Variants in PLD5 observed in about 807,000 individuals in gnomAD.
PLD5 encodes inactive phospholipase D5.
Under a neutral mutation model 61.1 loss-of-function variants are expected in PLD5, and 36 were observed. That is an observed-to-expected ratio of 0.59 (90% confidence interval 0.45 to 0.78). PLD5 has a LOEUF of 0.78. PLD5 is among the 30% of genes least tolerant of loss of function. PLD5 has a pLI of 0.00. For synonymous variants in PLD5, 243 were observed against 242.8 expected, an observed-to-expected ratio of 1.00 and a Z score of -0.01; for missense variants, 515 against 644.4, an observed-to-expected ratio of 0.80 and a Z score of 2.17.
intron 1 of PLD5, among the ~76,000 whole-genome samples, chr1:242,451,344 T>G (rs1006152827): frequency 6.6e-6 from 1 of 152,152 alleles, no homozygotes; most frequent in African/African-American, 2.4e-5. Flanking sequence ...GCATTTAACA[T>G]TGAATCATAC....
At chr1:242,215,032 G>A (rs7555640) in intron 5 of PLD5, among the ~76,000 whole-genome samples, 41,512 of 145,476 alleles carry the variant, frequency 0.29, 6,295 homozygotes, top group South Asian at 0.43. Context: ...GCCTGCCACC[G>A]TGCCTGGCCA....
chr1:242,090,103 A>T lies in PLD5; in HGVS notation c.1362T>A (p.Phe454Leu). Reference sequence around the variant, plus strand: ...GAGTGAAATCATTCCCTACCCAATCAAAATTTCCTGCAAACAAACAAAGAA... The same window carrying T: ...GAGTGAAATCATTCCCTACCCAATCTAAATTTCCTGCAAACAAACAAAGAA... ...VTDGAAYIGN[F>L]DWVGNDFTQN... The change falls in exon 10 of 10, where the codon TTT becomes TTA. Residue 454 changes from phenylalanine to leucine, a missense_variant. Around this residue, in one of 2 missense-constraint regions of PLD5, gnomAD observed 450 missense variants for 598.1 expected, o/e 0.75. Coordinates refer to ENST00000536534, the MANE Select transcript of PLD5 (RefSeq NM_001372062.1). 1.2e-6 allele frequency: 2 copies of T among 1,613,712 alleles called. No individual in the cohort carries two copies. Among genetic ancestry groups the T allele is most frequent in the Non-Finnish European group, 1.7e-6 (2 of 1,179,658 alleles).
intron 4 of PLD5, among the ~76,000 whole-genome samples, chr1:242,244,491 AAC>A (rs1218565924): frequency 1.5e-4 from 23 of 152,224 alleles, no homozygotes; most frequent in Admixed American, 1.1e-3. Context: ...AGCTGAGAAA[AAC>A]AGATTCACAT....
At chr1:242,303,468 T>G (rs916310069) in intron 2 of PLD5, among the ~76,000 whole-genome samples, 2 of 152,256 alleles carry the variant, frequency 1.3e-5, no homozygotes, top group Non-Finnish European at 2.9e-5. Context: ...ATTTCTAAAA[T>G]GTATAAATGC....
chr1:242,464,891 C>A (rs953459104), intron 1 of PLD5, among the ~76,000 whole-genome samples: 1 of 152,122 alleles, frequency 6.6e-6, no homozygotes, highest in Non-Finnish European at 1.5e-5. Context: ...TGACAGAAGC[C>A]AGACACGAAA....
intron 1 of PLD5, among the ~76,000 whole-genome samples, chr1:242,364,663 C>T (rs1661244332): frequency 6.6e-6 from 1 of 152,038 alleles, no homozygotes; most frequent in South Asian, 2.1e-4. Flanking sequence ...TTGCAGTGAG[C>T]CAAGATCTTG....
At chr1:242,348,009 C>G in intron 2 of PLD5, 97 bp downstream of exon 2, 1 of 1,471,212 alleles carries the variant, frequency 6.8e-7, no homozygotes, top group Non-Finnish European at 9.2e-7. Context: ...GCCTGGATGA[C>G]TACGTGTGTT....
At chr1:242,412,267 GCCAT>G (rs1416585771) in intron 1 of PLD5, among the ~76,000 whole-genome samples, 1 of 152,238 alleles carries the variant, frequency 6.6e-6, no homozygotes, top group Non-Finnish European at 1.5e-5. Context: ...TCCCATCATG[GCCAT>G]GAACTCAGCT....
chr1:242,424,152 C>A lies in PLD5; in HGVS notation c.190-75910G>T, dbSNP rs140703100. Among the ~76,000 whole-genome samples, 57 of 152,220 alleles carry A rather than the reference C, an allele frequency of 3.7e-4. 1 individual carries two copies. Among genetic ancestry groups the A allele is most frequent in the Middle Eastern group, 3.4e-3 (1 of 294 alleles). ...TGTAATCCCTTCTCTACAGCTAATG[C>A]CTTCCCTTACTCCCTCTTATTGTCC... On this transcript the variant is annotated intron_variant, in intron 1 of 9. Coordinates refer to ENST00000536534, the MANE Select transcript of PLD5 (RefSeq NM_001372062.1).
intron 1 of PLD5, among the ~76,000 whole-genome samples, chr1:242,383,662 T>C (rs1337063445): frequency 2.0e-5 from 3 of 152,172 alleles, no homozygotes; most frequent in Non-Finnish European, 4.4e-5. Context: ...CCCTTAGTCC[T>C]AGCATTTTGG....
rs766307473 is a variant in PLD5 at position 242,333,965 on chromosome 1, T to C, written c.326+14141A>G. Among the ~76,000 whole-genome samples, 4 of 152,200 alleles carry C rather than the reference T, an allele frequency of 2.6e-5. 1 individual carries two copies. The highest frequency in any genetic ancestry group is 5.9e-5 in the Non-Finnish European group (4 of 68,034). Reference sequence around the variant, plus strand: ...AATAGTGCTGCAATACACATGGGCATGCAGATAACTCTTTGATATATTGAT... The same window carrying C: ...AATAGTGCTGCAATACACATGGGCACGCAGATAACTCTTTGATATATTGAT... On this transcript the variant is annotated intron_variant, in intron 2 of 9. Coordinates refer to ENST00000536534, the MANE Select transcript of PLD5 (RefSeq NM_001372062.1).
intron 4 of PLD5, among the ~76,000 whole-genome samples, chr1:242,253,942 A>ACAGAGAC (rs1290293157): frequency 6.6e-5 from 10 of 152,346 alleles, no homozygotes; most frequent in Admixed American, 1.3e-4. Context: ...AGCTCTTAGA[A>ACAGAGAC]CAGAGACGGA....
intron 4 of PLD5, chr1:242,235,705 C>T (rs1163677051): frequency 6.6e-6 from 1 of 152,176 alleles, no homozygotes; most frequent in Non-Finnish European, 1.5e-5. Flanking sequence ...ACCTGCTGTG[C>T]TCCTTGCCGT....
chr1:242,207,808 ATT>A (rs1491384538), intron 5 of PLD5, among the ~76,000 whole-genome samples: 2 of 64,432 alleles, frequency 3.1e-5, no homozygotes, highest in South Asian at 5.5e-4. Flanking sequence ...ATTTATATAT[ATT>A]TATATTTATA....
At chr1:242,321,907 G>A (rs1283258225) in intron 2 of PLD5, among the ~76,000 whole-genome samples, 1 of 152,034 alleles carries the variant, frequency 6.6e-6, no homozygotes, top group African/African-American at 2.4e-5. Context: ...AGTTGTGTAG[G>A]GATTCTCTTT....
intron 5 of PLD5, chr1:242,192,454 C>G (rs1668344606): frequency 1.3e-5 from 2 of 152,140 alleles, no homozygotes. Flanking sequence ...TATTTCTTAA[C>G]TCTAATTTAA....
chr1:242,341,972 G>T (rs1035170025), intron 2 of PLD5, among the ~76,000 whole-genome samples: 2 of 151,696 alleles, frequency 1.3e-5, no homozygotes, highest in African/African-American at 4.8e-5. Flanking sequence ...AGTGTGAGGA[G>T]GTCTTGAACA....
intron 1 of PLD5, among the ~76,000 whole-genome samples, chr1:242,450,385 G>C (rs1666732067): frequency 6.6e-6 from 1 of 152,132 alleles, no homozygotes; most frequent in African/African-American, 2.4e-5. Flanking sequence ...TTCCACTCTA[G>C]AATATTTACT....
rs182633892 is a variant in PLD5, at chr1:242,453,358, T to C, written c.189+70730A>G. Among the ~76,000 whole-genome samples the C allele has an allele frequency of 2.6e-5, 4 of 152,352 alleles. No individual in the cohort carries two copies. In the East Asian group the frequency reaches 7.7e-4, roughly 29 times the overall value. On this transcript the variant is annotated intron_variant, in intron 1 of 9. Coordinates refer to ENST00000536534, the MANE Select transcript of PLD5 (RefSeq NM_001372062.1). ...CTTTGTTTGTAAGCTACCTAGTTTA[T>C]GGTCATTTTGTTATAGCAGCCTAAA...
Sources: allele counts gnomAD v4.1 joint callset (sites outside exome capture counted in the v4.1 genomes callset), GRCh38; gene constraint gnomAD v4.1.1; regional missense constraint gnomAD v4.1.1; transcripts MANE v1.5; gene names NCBI Gene and HGNC (gene_info 2026-07-23, HGNC 2026-07-21).